OPALIN: variants seen among roughly 807,000 people sequenced by gnomAD.
OPALIN encodes the protein oligodendrocytic myelin paranodal and inner loop protein, also known as transmembrane protein 10.
OPALIN carries 15 observed loss-of-function variants against 17.8 expected under a neutral mutation model. The ratio of observed to expected loss-of-function variants is 0.84; its 90% CI spans 0.56 to 1.29. OPALIN has a LOEUF of 1.29. Ranked by LOEUF, OPALIN falls within the 50% of genes most tolerant of loss-of-function variation. The probability of loss-of-function intolerance (pLI) is 0.00; values close to 1 mark genes in which losing one functional copy is unlikely to be tolerated. For missense variants in OPALIN, 170 were observed against 176.0 expected (o/e 0.97, Z 0.19); for synonymous variants, 62 against 63.8 (o/e 0.97, Z 0.14).
At chr10:96,355,099 A>C (rs1204426482) in intron 2 of OPALIN, among the ~76,000 whole-genome samples, 156 bp downstream of exon 2, 3 of 1,578 alleles carry the variant, frequency 1.9e-3, no homozygotes, top group Non-Finnish European at 3.4e-3. Context: ...CTTGTCTCAA[A>C]AAAAAAAAAA....
rs188590261 is a variant in OPALIN at position 96,354,776 on chromosome 10, C to T, written c.39+479G>A. 1.4e-3 allele frequency among the ~76,000 whole-genome samples: 211 copies of T among 151,986 alleles called. 4 individuals carry two copies. In the Middle Eastern group the frequency reaches 0.017, roughly 12 times the overall value. On this transcript the variant is annotated intron_variant, in intron 2 of 5. Coordinates refer to ENST00000371172, the MANE Select transcript of OPALIN (RefSeq NM_033207.5). Reference sequence around the variant, plus strand: ...GGAAATAAATTCTCTCAGCATCTCTCAACTATTCCTCAGTGCGTTTTGAAA... The same window carrying T: ...GGAAATAAATTCTCTCAGCATCTCTTAACTATTCCTCAGTGCGTTTTGAAA...
chr10:96,343,880 G>T lies in OPALIN; in HGVS notation c.*2061C>A, dbSNP rs1845198191. On this transcript the variant is annotated 3_prime_UTR_variant, in exon 6 of 6. Transcript: ENST00000371172. Reference sequence around the variant, plus strand: ...GAATATTTTCTAGGATATCTGTGTGGCTCATGGAGCTGCTGGATGAACTTA... The same window carrying T: ...GAATATTTTCTAGGATATCTGTGTGTCTCATGGAGCTGCTGGATGAACTTA... The T allele has an allele frequency of 6.6e-6, 1 of 152,250 alleles. No homozygotes were observed. The highest frequency in any genetic ancestry group is 6.5e-5 in the Admixed American group (1 of 15,282). The allele number at this position is 152,250 out of a possible 1,614,324, so 9.4% of individuals were successfully genotyped here.
rs369327423 is a variant in OPALIN, at chr10:96,351,378, C to T, written c.72G>A (p.Thr24=). 5.5e-5 allele frequency: 84 copies of T among 1,514,086 alleles called. No homozygotes were observed. The highest frequency in any genetic ancestry group is 2.9e-4 in the South Asian group (24 of 82,028). 93.8% of individuals were successfully genotyped at this position (1,514,086 alleles called of 1,614,324 possible). ...TSSPVTGGKE[T]DCGPSLGLAA... ...TTATAAATTTAAGTGATATAGTTAC[C>T]GTTTCTTTCCCACCTGTGACAGGAG... Residue 24 remains threonine (T), a splice_region_variant and synonymous_variant, in exon 3 of 6, where the codon ACG becomes ACA. Transcript: ENST00000371172.
chr10:96,353,974 G>A (rs1845699899), intron 2 of OPALIN, among the ~76,000 whole-genome samples: 1 of 152,146 alleles, frequency 6.6e-6, no homozygotes, highest in Non-Finnish European at 1.5e-5. Context: ...CCAGCAATAA[G>A]TCACAATGTT....
intron 2 of OPALIN, among the ~76,000 whole-genome samples, chr10:96,353,961 G>A (rs996406629): frequency 6.6e-6 from 1 of 152,132 alleles, no homozygotes; most frequent in Non-Finnish European, 1.5e-5. Flanking sequence ...GGGCACCACA[G>A]GTCCAGCAAT....
chr10:96,344,909 G>T lies in OPALIN; in HGVS notation c.*1032C>A, dbSNP rs1253352756. 6.6e-6 allele frequency: 1 copy of T among 152,122 alleles called. No individual in the cohort carries two copies. The highest frequency in any genetic ancestry group is 6.5e-5 in the Admixed American group (1 of 15,276). The allele number at this position is 152,122 out of a possible 1,614,324, so 9.4% of individuals were successfully genotyped here. On this transcript the variant is annotated 3_prime_UTR_variant, in exon 6 of 6. Coordinates refer to ENST00000371172, the MANE Select transcript of OPALIN (RefSeq NM_033207.5). ...TTCCATCAACATTAACATCTTTAAGGTTAAATGTAACACCACCAGTCTCTG... is the reference window on the plus strand; with the variant it reads ...TTCCATCAACATTAACATCTTTAAGTTTAAATGTAACACCACCAGTCTCTG...
intron 1 of OPALIN, among the ~76,000 whole-genome samples, chr10:96,358,599 T>G (rs1251045368): frequency 6.6e-6 from 1 of 152,178 alleles, no homozygotes; most frequent in Non-Finnish European, 1.5e-5. Flanking sequence ...ATTAAACAAG[T>G]AAGACAGATA....
At chr10:96,350,751 C>T (rs1483688393) in intron 3 of OPALIN, among the ~76,000 whole-genome samples, 2 of 152,058 alleles carry the variant, frequency 1.3e-5, no homozygotes, top group African/African-American at 2.4e-5. Flanking sequence ...TTTTCAAATT[C>T]CCATTTTGCT....
At position 96,345,568 on chromosome 10, in the gene OPALIN, T is replaced by C. The variant is rs1035955571; in HGVS notation, c.*373A>G. The stretch of plus-strand genomic sequence containing the variant: ...CAGGCTGACCTCAGCAACACTTCCA[T>C]GAAAGTCAGATCTGATGGCTTTTTT... On this transcript the variant is annotated 3_prime_UTR_variant, in exon 6 of 6. Coordinates refer to ENST00000371172, the MANE Select transcript of OPALIN (RefSeq NM_033207.5). 15 of 172,320 alleles carry C rather than the reference T, an allele frequency of 8.7e-5. No individual in the cohort carries two copies. Among genetic ancestry groups the C allele is most frequent in the Non-Finnish European group, 1.5e-4 (12 of 81,406 alleles). The allele number at this position is 172,320 out of a possible 1,614,324, so 10.7% of individuals were successfully genotyped here.
In OPALIN at chr10:96,345,525, T is replaced by C. The variant is rs1332757300; in HGVS notation, c.*416A>G. 6.2e-6 allele frequency: 1 copy of C among 160,248 alleles called. No individual in the cohort carries two copies. Among genetic ancestry groups the C allele is most frequent in the East Asian group, 1.8e-4 (1 of 5,584 alleles). 9.9% of individuals were successfully genotyped at this position (160,248 alleles called of 1,614,324 possible). On this transcript the variant is annotated 3_prime_UTR_variant, in exon 6 of 6. Coordinates refer to ENST00000371172, the MANE Select transcript of OPALIN (RefSeq NM_033207.5). ...CTCACACATCCTGCATAAGTTTCAT[T>C]TGTATCCCAACTTGCACCAGGCTGA...
At position 96,358,976 on chromosome 10, in the gene OPALIN, T is replaced by C; in HGVS notation, c.-80A>G. ...CTCACTGGCTTTATTGGCTTGTGTC[T>C]TTCATTTGTAGGAACAGTTAACTGA... On this transcript the variant is annotated 5_prime_UTR_variant, in exon 1 of 6. Coordinates refer to ENST00000371172, the MANE Select transcript of OPALIN (RefSeq NM_033207.5). The C allele has an allele frequency of 6.6e-7, 1 of 1,520,462 alleles. No homozygotes were observed. Among genetic ancestry groups the C allele is most frequent in the Admixed American group, 1.7e-5 (1 of 59,726 alleles). The allele number at this position is 1,520,462 out of a possible 1,614,324, so 94.2% of individuals were successfully genotyped here.
At chr10:96,353,131 G>C (rs148852841) in intron 2 of OPALIN, among the ~76,000 whole-genome samples, 1 of 151,968 alleles carries the variant, frequency 6.6e-6, no homozygotes. Context: ...ACACCCCCCC[G>C]GGCAGTCTGG....
rs1845290739 is a variant in OPALIN at position 96,345,875 on chromosome 10, A to G, written c.*66T>C. On this transcript the variant is annotated 3_prime_UTR_variant, in exon 6 of 6. Coordinates refer to ENST00000371172, the MANE Select transcript of OPALIN (RefSeq NM_033207.5). Reference sequence around the variant, plus strand: ...AGCAGCTTGGCATCTTTCCTCTCCAAGTACAAAACCCTGGGTTTTCAACCC... The same window carrying G: ...AGCAGCTTGGCATCTTTCCTCTCCAGGTACAAAACCCTGGGTTTTCAACCC... 4.7e-6 allele frequency: 7 copies of G among 1,502,390 alleles called. No homozygotes were observed. The highest frequency in any genetic ancestry group is 6.4e-6 in the Non-Finnish European group (7 of 1,102,352). 93.1% of individuals were successfully genotyped at this position (1,502,390 alleles called of 1,614,324 possible).
In OPALIN at chr10:96,343,953, A is replaced by C. The variant is rs1369629673; in HGVS notation, c.*1988T>G. 2.6e-5 allele frequency: 4 copies of C among 152,216 alleles called. No homozygotes were observed. Among genetic ancestry groups the C allele is most frequent in the Non-Finnish European group, 5.9e-5 (4 of 68,066 alleles). 9.4% of individuals were successfully genotyped at this position (152,216 alleles called of 1,614,324 possible). On this transcript the variant is annotated 3_prime_UTR_variant, in exon 6 of 6. Transcript: ENST00000371172. ...CCCACTGGGAGGCCTGGCCTGCTAG[A>C]GGGCAATGGCTATACATGGGGGAAC...
At position 96,344,717 on chromosome 10, in the gene OPALIN, TA is replaced by T. The variant is rs1465440781; in HGVS notation, c.*1223del. 2.0e-5 allele frequency: 3 copies of T among 152,076 alleles called. No individual in the cohort carries two copies. The highest frequency in any genetic ancestry group is 7.2e-5 in the African/African-American group (3 of 41,412). The allele number at this position is 152,076 out of a possible 1,614,324, so 9.4% of individuals were successfully genotyped here. Reference sequence around the variant, plus strand: ...GGGCTCTTGTTTAATCTGAAGCCTTTAAAAAATAAAATAAAAGAAGTTGTAA... The same window carrying T: ...GGGCTCTTGTTTAATCTGAAGCCTTTAAAAATAAAATAAAAGAAGTTGTAA... On this transcript the variant is annotated 3_prime_UTR_variant, in exon 6 of 6. Coordinates refer to ENST00000371172, the MANE Select transcript of OPALIN (RefSeq NM_033207.5).
intron 4 of OPALIN, 141 bp from the exon 5 acceptor site, chr10:96,348,486 T>C: frequency 2.0e-6 from 1 of 509,276 alleles, no homozygotes; most frequent in South Asian, 3.1e-5. Context: ...CACAGAGGCA[T>C]CTAATAACAT....
chr10:96,356,171 C>T (rs914760119), intron 1 of OPALIN, among the ~76,000 whole-genome samples: 3 of 152,208 alleles, frequency 2.0e-5, no homozygotes, highest in African/African-American at 7.2e-5. Context: ...TGGGTCCAGC[C>T]ACCCTGGATT....
At position 96,344,990 on chromosome 10, in the gene OPALIN, C is replaced by G. The variant is rs1421567975; in HGVS notation, c.*951G>C. 1.3e-5 allele frequency: 2 copies of G among 152,168 alleles called. No individual in the cohort carries two copies. The highest frequency in any genetic ancestry group is 2.4e-5 in the African/African-American group (1 of 41,430). The allele number at this position is 152,168 out of a possible 1,614,324, so 9.4% of individuals were successfully genotyped here. A position where few individuals can be genotyped will look rare whatever the true frequency, so the allele number is the denominator to read the frequency against. On this transcript the variant is annotated 3_prime_UTR_variant, in exon 6 of 6. Coordinates refer to ENST00000371172, the MANE Select transcript of OPALIN (RefSeq NM_033207.5). ...CCTTTTCCTGATTCATATGAGGACA[C>G]GATCACACCTAGATTGGAAGATTCA...
chr10:96,352,992 T>G (rs557219065), intron 2 of OPALIN, among the ~76,000 whole-genome samples: 23 of 152,196 alleles, frequency 1.5e-4, no homozygotes, highest in Admixed American at 1.4e-3. Flanking sequence ...ATTTTTCCCA[T>G]ATTGACTTAT....
Sources: gnomAD v4.1 joint callset for allele counts (sites outside exome capture counted in the v4.1 genomes callset) on GRCh38, gnomAD v4.1.1 for gene constraint, MANE v1.5 for transcripts, NCBI Gene and HGNC (gene_info 2026-07-23, HGNC 2026-07-21) for gene names.